The following TENM3 variants were observed in gnomAD, a reference collection of about 807,000 sequenced individuals.
The protein encoded by TENM3 is teneurin transmembrane protein 3.
TENM3 carries 63 observed loss-of-function variants against 255.1 expected under a neutral mutation model. The ratio of observed to expected loss-of-function variants is 0.25; its 90% CI spans 0.20 to 0.30. TENM3 has a LOEUF of 0.30. Among genes scored for constraint, TENM3 ranks in the 10% least tolerant of loss-of-function variants. The pLI is 1.00. For missense variants in TENM3, 2,929 were observed against 3,461.1 expected (o/e 0.85, Z 3.86); for synonymous variants, 1,306 against 1,322.3 (o/e 0.99, Z 0.27).
At position 182,194,780 on chromosome 4, in the gene TENM3, G is replaced by A. The variant is rs114024663; in HGVS notation, c.-76+50026G>A. On this transcript the variant is annotated intron_variant, in intron 1 of 2. Transcript: ENST00000512480. ...CATTTTTTTCTCCTCACGGTCTTCC[G>A]TGTTATTTATAATTACATGAATCTT... Among the ~76,000 whole-genome samples the A allele has an allele frequency of 4.6e-3, 704 of 152,268 alleles. 8 individuals carry two copies. The highest frequency in any genetic ancestry group is 0.016 in the African/African-American group (672 of 41,544).
chr4:182,583,784 C>A (rs894508859), intron 3 of TENM3, among the ~76,000 whole-genome samples: 1 of 151,698 alleles, frequency 6.6e-6, no homozygotes, highest in Non-Finnish European at 1.5e-5. Flanking sequence ...CAATACAAAC[C>A]CAGTTATCAT....
chr4:181,910,826 A>G, the TENM3 span, among the ~76,000 whole-genome samples: 1 of 151,972 alleles, frequency 6.6e-6, no homozygotes, highest in Non-Finnish European at 1.5e-5. Context: ...CTTATAAGCT[A>G]TGCAAAACCA....
the TENM3 span, among the ~76,000 whole-genome samples, chr4:181,848,592 A>C: frequency 6.6e-6 from 1 of 152,276 alleles, no homozygotes. Flanking sequence ...GACAGATGTC[A>C]ATCATCAAAT....
intron 13 of TENM3, among the ~76,000 whole-genome samples, chr4:182,716,434 C>T (rs933963349): frequency 6.6e-6 from 1 of 152,184 alleles, no homozygotes; most frequent in African/African-American, 2.4e-5. Flanking sequence ...TCTAGGCTCC[C>T]CTCTCGGAGG....
intron 4 of TENM3, among the ~76,000 whole-genome samples, chr4:182,619,030 A>G (rs976857383): frequency 4.6e-5 from 7 of 152,200 alleles, no homozygotes; most frequent in Non-Finnish European, 7.3e-5. Context: ...GAGTTACTCA[A>G]CAGTGACCTA....
chr4:181,897,075 C>A, the TENM3 span, among the ~76,000 whole-genome samples: 1 of 152,182 alleles, frequency 6.6e-6, no homozygotes, highest in Non-Finnish European at 1.5e-5. Context: ...TGAAAAGGCT[C>A]GATTCCTCCA....
intron 2 of TENM3, among the ~76,000 whole-genome samples, chr4:182,338,342 T>C (rs931102292): frequency 1.3e-5 from 2 of 152,152 alleles, no homozygotes; most frequent in Admixed American, 1.3e-4. Flanking sequence ...ATTAAGATAA[T>C]AACATATACA....
chr4:182,704,617 G>T (rs945998801), intron 12 of TENM3, among the ~76,000 whole-genome samples: 1 of 152,154 alleles, frequency 6.6e-6, no homozygotes. Context: ...CCAAGTTGAA[G>T]TATGGTATTT....
At position 182,789,513 on chromosome 4, in the gene TENM3, A is replaced by G. The variant is rs1765939771; in HGVS notation, c.5601+124A>G. 4 of 934,132 alleles carry G rather than the reference A, an allele frequency of 4.3e-6. No homozygotes were observed. The highest frequency in any genetic ancestry group is 1.7e-5 in the African/African-American group (1 of 59,846). The allele number at this position is 934,132 out of a possible 1,614,324, so 57.9% of individuals were successfully genotyped here. A position where few individuals can be genotyped will look rare whatever the true frequency, so the allele number is the denominator to read the frequency against. The stretch of plus-strand genomic sequence containing the variant: ...CTGAGTTCCATTTGTTATTCGAAGT[A>G]TCAATACGGAAGTCACATTGGCACA... On this transcript the variant is annotated intron_variant, in intron 25 of 27. Coordinates refer to ENST00000511685, the MANE Select transcript of TENM3 (RefSeq NM_001080477.4). The surrounding 1 kb of genome is among the most constrained non-coding windows in gnomAD (Gnocchi z 4.4).
the TENM3 span, among the ~76,000 whole-genome samples, chr4:181,546,033 A>G: frequency 1.3e-5 from 2 of 152,148 alleles, no homozygotes; most frequent in African/African-American, 4.8e-5. Context: ...GCTTTCACAC[A>G]CGGCCTGTTA....
intron 3 of TENM3, among the ~76,000 whole-genome samples, chr4:182,559,805 G>A (rs753937853): frequency 2.9e-4 from 44 of 151,798 alleles, no homozygotes; most frequent in Non-Finnish European, 5.3e-4. Context: ...TAGCCCCATG[G>A]TTAATGGGTA....
the TENM3 span, among the ~76,000 whole-genome samples, chr4:181,826,406 C>T: frequency 3.3e-4 from 51 of 152,272 alleles, no homozygotes; most frequent in African/African-American, 9.6e-4. Flanking sequence ...AAAGGTGTGA[C>T]GGGATCAGGA....
At chr4:182,142,581 G>A (rs1009836247), upstream of TENM3, 3 of 167,286 alleles carry the variant, frequency 1.8e-5, no homozygotes, top group African/African-American at 7.2e-5. Flanking sequence ...AGGTACAGGT[G>A]GAGGTCGGCG....
intron 3 of TENM3, among the ~76,000 whole-genome samples, chr4:182,523,760 A>G (rs1355659678): frequency 6.6e-6 from 1 of 152,160 alleles, no homozygotes; most frequent in Non-Finnish European, 1.5e-5. Context: ...TATCACTTAC[A>G]GCATACCTGG....
the TENM3 span, among the ~76,000 whole-genome samples, chr4:181,936,161 G>A: frequency 1.3e-5 from 2 of 152,150 alleles, no homozygotes; most frequent in African/African-American, 4.8e-5. Flanking sequence ...GGAGGCCAAG[G>A]TGGGTGGATC....
At chr4:182,379,771 G>C (rs967477045) in intron 3 of TENM3, among the ~76,000 whole-genome samples, 1 of 152,178 alleles carries the variant, frequency 6.6e-6, no homozygotes, top group Admixed American at 6.5e-5. Context: ...CAGGTCCACC[G>C]CTCACTAGCT....
At chr4:182,278,461 T>G (rs1460481784) in intron 1 of TENM3, among the ~76,000 whole-genome samples, 2 of 152,068 alleles carry the variant, frequency 1.3e-5, no homozygotes, top group Non-Finnish European at 2.9e-5. Flanking sequence ...CCTTGTAAAA[T>G]GGAAATAGTA....
chr4:182,732,745 T>C (rs1760871973), intron 16 of TENM3, among the ~76,000 whole-genome samples: 1 of 152,122 alleles, frequency 6.6e-6, no homozygotes, highest in Non-Finnish European at 1.5e-5. Context: ...GAGGATCACT[T>C]CAGCCCAGAG....
chr4:181,911,297 G>A, the TENM3 span, among the ~76,000 whole-genome samples: 1 of 152,154 alleles, frequency 6.6e-6, no homozygotes, highest in Non-Finnish European at 1.5e-5. Context: ...TCAATAAATG[G>A]ATTAAGGTGG....
Sources: gnomAD v4.1 joint callset for allele counts (sites outside exome capture counted in the v4.1 genomes callset) on GRCh38, gnomAD v4.1.1 for gene constraint, Gnocchi (gnomAD v3.1) non-coding constraint, MANE v1.5 for transcripts, NCBI Gene and HGNC (gene_info 2026-07-23, HGNC 2026-07-21) for gene names.